Variants in STPG2 observed in about 807,000 individuals in gnomAD.
STPG2 encodes the protein sperm tail PG-rich repeat containing 2, also known as sperm-tail PG-rich repeat-containing protein 2.
Under a neutral mutation model 54.2 loss-of-function variants are expected in STPG2, and 56 were observed. The observed-to-expected ratio is 1.03, with a 90% CI of 0.83 to 1.29. The LOEUF (loss-of-function observed/expected upper bound fraction) is 1.29. STPG2 is among the 50% of genes most tolerant of loss of function. The probability of loss-of-function intolerance (pLI) is 0.00; values close to 1 mark genes in which losing one functional copy is unlikely to be tolerated. For missense variants in STPG2, 596 were observed against 544.9 expected, an observed-to-expected ratio of 1.09 and a Z score of -0.93; for synonymous variants, 200 against 181.8, an observed-to-expected ratio of 1.10 and a Z score of -0.81.
chr4:97,579,719 A>T (rs896827288), intron 10 of STPG2, among the ~76,000 whole-genome samples: 1 of 152,056 alleles, frequency 6.6e-6, no homozygotes, highest in African/African-American at 2.4e-5. Context: ...GGTGATCTAC[A>T]TTCATTAAGT....
chr4:97,718,978 G>A (rs953019214), intron 9 of STPG2, among the ~76,000 whole-genome samples: 1 of 151,866 alleles, frequency 6.6e-6, no homozygotes, highest in African/African-American at 2.4e-5. Flanking sequence ...TCAACGTGAT[G>A]CTCAAAGAAA....
chr4:98,130,784 T>C (rs1277635253), intron 2 of STPG2, among the ~76,000 whole-genome samples: 1 of 151,476 alleles, frequency 6.6e-6, no homozygotes. Flanking sequence ...TAGCCGGGCA[T>C]GGTGGCGGGT....
intron 5 of STPG2, among the ~76,000 whole-genome samples, chr4:98,059,367 T>C (rs1348473732): frequency 6.6e-6 from 1 of 151,816 alleles, no homozygotes; most frequent in African/African-American, 2.4e-5. Context: ...GAAACTGATT[T>C]CCTGAACAGA....
chr4:97,969,198 C>A (rs1473824867), intron 7 of STPG2, among the ~76,000 whole-genome samples: 1 of 152,204 alleles, frequency 6.6e-6, no homozygotes, highest in African/African-American at 2.4e-5. Context: ...GCTTTTGCTG[C>A]AACTGTTACT....
At chr4:97,920,476 C>CA (rs1219690587) in intron 8 of STPG2, among the ~76,000 whole-genome samples, 1 of 152,118 alleles carries the variant, frequency 6.6e-6, no homozygotes, top group African/African-American at 2.4e-5. Context: ...TGACTTATCA[C>CA]AATTAACAAG....
intron 5 of STPG2, among the ~76,000 whole-genome samples, chr4:98,030,675 C>T (rs1051976364): frequency 6.6e-6 from 1 of 151,874 alleles, no homozygotes; most frequent in African/African-American, 2.4e-5. Flanking sequence ...GATACTGGTA[C>T]AAAAAAATAG....
At chr4:97,661,474 T>G (rs1253977271) in intron 10 of STPG2, among the ~76,000 whole-genome samples, 1 of 152,140 alleles carries the variant, frequency 6.6e-6, no homozygotes, top group Non-Finnish European at 1.5e-5. Flanking sequence ...CTAAAATAAA[T>G]TTTATCAAAA....
At chr4:97,792,134 A>G (rs1432286714) in intron 9 of STPG2, among the ~76,000 whole-genome samples, 1 of 152,200 alleles carries the variant, frequency 6.6e-6, no homozygotes, top group Non-Finnish European at 1.5e-5. Context: ...CATTAAATAG[A>G]GTGATAAAGC....
intron 5 of STPG2, among the ~76,000 whole-genome samples, chr4:98,027,300 A>G (rs1199103564): frequency 6.6e-6 from 1 of 152,168 alleles, no homozygotes; most frequent in Non-Finnish European, 1.5e-5. Context: ...AGGGGGATAT[A>G]ATTCTACCAC....
At chr4:97,844,602 T>C (rs1238588493) in intron 8 of STPG2, among the ~76,000 whole-genome samples, 2 of 152,046 alleles carry the variant, frequency 1.3e-5, no homozygotes, top group African/African-American at 4.8e-5. Context: ...AGATGTCACC[T>C]TTGTTCTCTT....
intron 3 of STPG2, among the ~76,000 whole-genome samples, chr4:98,125,586 G>C (rs938910848): frequency 6.6e-6 from 1 of 152,122 alleles, no homozygotes. Context: ...ATGCCAGCTG[G>C]AACACTCCTG....
intron 3 of STPG2, among the ~76,000 whole-genome samples, chr4:98,126,633 A>T (rs979728214): frequency 1.3e-5 from 2 of 152,110 alleles, no homozygotes; most frequent in Non-Finnish European, 2.9e-5. Context: ...AGGTGAATTC[A>T]CTTGCCATTT....
At chr4:97,642,769 T>C (rs1230818179) in intron 10 of STPG2, among the ~76,000 whole-genome samples, 3 of 151,448 alleles carry the variant, frequency 2.0e-5, no homozygotes, top group African/African-American at 7.2e-5. Flanking sequence ...CAATAAAATA[T>C]AAGAAAATTC....
chr4:97,940,743 A>T (rs1158458530), intron 8 of STPG2, among the ~76,000 whole-genome samples: 1 of 152,120 alleles, frequency 6.6e-6, no homozygotes, highest in African/African-American at 2.4e-5. Context: ...TTAAAGCAGG[A>T]TTTATATTAT....
At chr4:97,928,540 G>A (rs1037587386) in intron 8 of STPG2, among the ~76,000 whole-genome samples, 3 of 152,032 alleles carry the variant, frequency 2.0e-5, no homozygotes, top group Non-Finnish European at 2.9e-5. Flanking sequence ...AAAATAAACA[G>A]TAAAAATGTC....
At chr4:97,881,560 G>A (rs1730376266) in intron 8 of STPG2, among the ~76,000 whole-genome samples, 1 of 152,096 alleles carries the variant, frequency 6.6e-6, no homozygotes, top group Non-Finnish European at 1.5e-5. Flanking sequence ...TGACTTAGAT[G>A]ATTCTTTGGG....
chr4:98,074,892 G>T (rs1023533590), intron 5 of STPG2, among the ~76,000 whole-genome samples: 7 of 151,964 alleles, frequency 4.6e-5, no homozygotes, highest in Non-Finnish European at 1.0e-4. Context: ...GATCAACTAG[G>T]GGTTCTGGTG....
rs1463101302 is a variant in STPG2, at chr4:97,742,748, A to T, written c.1205-29934T>A. ...ACAAAAACAGAGTAAAACAGTTGGT[A>T]ACCTGAGATATGGGTACAGATGGAG... On this transcript the variant is annotated intron_variant, in intron 9 of 10. Transcript: ENST00000295268. 7.0e-5 allele frequency among the ~76,000 whole-genome samples: 4 copies of T among 56,816 alleles called. No individual in the cohort carries two copies. In the East Asian group the frequency reaches 2.0e-3, roughly 29 times the overall value. 37.3% of individuals were successfully genotyped at this position (56,816 alleles called of 152,430 possible).
At chr4:97,507,921 A>G (rs753580904) in intron 4 of STPG2, among the ~76,000 whole-genome samples, 12 of 151,966 alleles carry the variant, frequency 7.9e-5, no homozygotes, top group Admixed American at 7.9e-4. Flanking sequence ...CATAGGCACA[A>G]TTGATTAAAT....
Sources: gnomAD v4.1 joint callset for allele counts (sites outside exome capture counted in the v4.1 genomes callset) on GRCh38, gnomAD v4.1.1 for gene constraint, MANE v1.5 for transcripts, NCBI Gene and HGNC (gene_info 2026-07-23, HGNC 2026-07-21) for gene names.